The following HDAC9 variants were observed in gnomAD, a reference collection of about 807,000 sequenced individuals.
The protein encoded by HDAC9 is MEF-2 interacting transcription repressor (MITR) protein.
A neutral mutation model predicts 139.4 loss-of-function variants in HDAC9; 41 were observed. The observed-to-expected ratio is 0.29, with a 90% CI of 0.23 to 0.38. The LOEUF is 0.38. Ranked by LOEUF, HDAC9 falls within the 10% of genes least tolerant of loss-of-function variation. The pLI, the probability that HDAC9 is intolerant of heterozygous loss-of-function variation, is 1.00. For synonymous variants in HDAC9, 517 were observed against 476.2 expected (o/e 1.09, Z -1.12); for missense variants, 1,147 against 1,297.0 (o/e 0.88, Z 1.78).
chr7:18,357,437 A>G (rs1206903513), intron 1 of HDAC9, among the ~76,000 whole-genome samples: 1 of 152,022 alleles, frequency 6.6e-6, no homozygotes, highest in Non-Finnish European at 1.5e-5. Flanking sequence ...ATTGTGTGCT[A>G]GGCCTTGTTT....
chr7:18,767,137 A>G lies in HDAC9; in HGVS notation c.2196A>G (p.Leu732=). ...ACTCTCAAAAGTTTTTTTCCTCATT[A>G]CCTTGTGGTGGACTTGGGGTAAGTA... ...GDDSQKFFSS[L]PCGGLGVDSD... is the part of the protein sequence containing the mutation. Residue 732 remains leucine, a synonymous_variant, in exon 16 of 26, where the codon TTA becomes TTG. Transcript: ENST00000686413. 1 of 1,579,652 alleles carries G rather than the reference A, an allele frequency of 6.3e-7. No homozygotes were observed.
intron 2 of HDAC9, among the ~76,000 whole-genome samples, chr7:18,568,026 G>GTATATATATATATATATATA (rs36203178): frequency 9.7e-4 from 123 of 126,788 alleles, no homozygotes; most frequent in African/African-American, 2.2e-3. Flanking sequence ...ATATGTATAT[G>GTATATATATATATATATATA]TATATATATA....
intron 5 of HDAC9, among the ~76,000 whole-genome samples, chr7:18,592,756 AAAAC>A (rs1459697233): frequency 2.6e-5 from 4 of 152,180 alleles, no homozygotes; most frequent in Non-Finnish European, 5.9e-5. Context: ...GTTGACATGA[AAAAC>A]AAATCTCTGA....
At chr7:18,615,322 G>A (rs1213187011) in intron 6 of HDAC9, among the ~76,000 whole-genome samples, 1 of 152,074 alleles carries the variant, frequency 6.6e-6, no homozygotes, top group Non-Finnish European at 1.5e-5. Context: ...GCCTATCACA[G>A]AGTTGGTATT....
At chr7:18,227,366 G>A (rs1793127574) in intron 2 of HDAC9, among the ~76,000 whole-genome samples, 1 of 152,122 alleles carries the variant, frequency 6.6e-6, no homozygotes, top group African/African-American at 2.4e-5. Context: ...CTGTTGATAT[G>A]TGGTAAGTGT....
At chr7:18,249,524 CAAAAA>C in intron 2 of HDAC9, among the ~76,000 whole-genome samples, 1 of 49,046 alleles carries the variant, frequency 2.0e-5, no homozygotes, top group Middle Eastern at 9.1e-3. Flanking sequence ...AAAAAAAAAA[CAAAAA>C]AAAAACTTTC....
intron 2 of HDAC9, among the ~76,000 whole-genome samples, chr7:18,197,734 C>T (rs948490718): frequency 1.3e-5 from 2 of 152,198 alleles, no homozygotes; most frequent in Non-Finnish European, 2.9e-5. Flanking sequence ...ATGAGGCCAA[C>T]AATTTACTCA....
chr7:18,243,806 G>T (rs546770925), intron 2 of HDAC9, among the ~76,000 whole-genome samples: 6 of 152,172 alleles, frequency 3.9e-5, no homozygotes, highest in African/African-American at 1.4e-4. Flanking sequence ...ATTACGTTAA[G>T]CTTCCGTGAA....
intron 12 of HDAC9, among the ~76,000 whole-genome samples, chr7:18,684,434 G>A (rs1046283257): frequency 1.3e-5 from 2 of 151,592 alleles, no homozygotes; most frequent in Non-Finnish European, 2.9e-5. Flanking sequence ...GAGCCCAGGA[G>A]TTCAAGACCA....
chr7:18,889,400 G>C (rs1563025792), intron 22 of HDAC9, among the ~76,000 whole-genome samples: 1 of 151,954 alleles, frequency 6.6e-6, no homozygotes, highest in East Asian at 1.9e-4. Flanking sequence ...CTATTGTCTA[G>C]GCTCCAGAAA....
chr7:18,991,510 A>C (rs79161516), intron 25 of HDAC9, among the ~76,000 whole-genome samples: 1 of 152,038 alleles, frequency 6.6e-6, no homozygotes, highest in South Asian at 2.1e-4. Context: ...GGTGGCAGGC[A>C]CCTGTAGTCC....
intron 24 of HDAC9, among the ~76,000 whole-genome samples, chr7:18,962,009 C>A (rs1563089007): frequency 6.6e-6 from 1 of 152,278 alleles, no homozygotes; most frequent in South Asian, 2.1e-4. Flanking sequence ...GAAGTTCTGG[C>A]TAATTGAGAT....
chr7:18,909,142 T>C (rs1802527325), intron 22 of HDAC9, among the ~76,000 whole-genome samples: 1 of 152,024 alleles, frequency 6.6e-6, no homozygotes, highest in South Asian at 2.1e-4. Context: ...TTCCTGATGA[T>C]TAGGGAGGTT....
chr7:18,373,810 G>A (rs552125923), intron 1 of HDAC9, among the ~76,000 whole-genome samples: 5 of 151,910 alleles, frequency 3.3e-5, no homozygotes, highest in African/African-American at 4.8e-5. Context: ...ATTTTTTCTG[G>A]CATTTAAGTC....
intron 1 of HDAC9, among the ~76,000 whole-genome samples, chr7:18,104,944 A>G (rs933516449): frequency 3.3e-5 from 5 of 151,596 alleles, no homozygotes; most frequent in African/African-American, 9.7e-5. Context: ...CATTTCTACT[A>G]TTATCTTAAT....
At chr7:18,507,169 C>CTT (rs1800015075) in intron 2 of HDAC9, among the ~76,000 whole-genome samples, 1 of 110,470 alleles carries the variant, frequency 9.1e-6, no homozygotes, top group Admixed American at 9.5e-5. Flanking sequence ...ATATTCATTA[C>CTT]ATATTATTAT....
chr7:18,909,799 T>TGA (rs1250556932), intron 22 of HDAC9, among the ~76,000 whole-genome samples: 4 of 152,046 alleles, frequency 2.6e-5, no homozygotes, highest in African/African-American at 9.7e-5. Flanking sequence ...TCCTCTCTTC[T>TGA]ATTCCACTGA....
chr7:18,618,591 A>G (rs1429113508), intron 6 of HDAC9, among the ~76,000 whole-genome samples: 1 of 151,928 alleles, frequency 6.6e-6, no homozygotes, highest in Non-Finnish European at 1.5e-5. Context: ...TCTCTCACGC[A>G]GTCAGTTCAC....
chr7:18,870,086 C>T (rs1211670304), intron 21 of HDAC9, among the ~76,000 whole-genome samples: 7 of 152,134 alleles, frequency 4.6e-5, no homozygotes, highest in South Asian at 4.1e-4. Flanking sequence ...AGTTCCTGTA[C>T]GCCAACACGC....
Sources: gnomAD v4.1 joint callset for allele counts (sites outside exome capture counted in the v4.1 genomes callset) on GRCh38, gnomAD v4.1.1 for gene constraint, MANE v1.5 for transcripts, NCBI Gene and HGNC (gene_info 2026-07-23, HGNC 2026-07-21) for gene names.